NPLOC4: variants seen among roughly 807,000 people sequenced by gnomAD.
NPLOC4 encodes the protein nuclear protein localization protein 4 homolog.
In NPLOC4, 18 loss-of-function variants were observed where a neutral mutation model predicts 80.6. The ratio of observed to expected loss-of-function variants is 0.22; its 90% CI spans 0.15 to 0.33. The LOEUF (loss-of-function observed/expected upper bound fraction) is 0.33, where lower values mean the gene tolerates loss of function less well. Ranked by LOEUF, NPLOC4 falls within the 10% of genes least tolerant of loss-of-function variation. The pLI, the probability that NPLOC4 is intolerant of heterozygous loss-of-function variation, is 1.00. For synonymous variants in NPLOC4, 313 were observed against 301.5 expected (o/e 1.04, Z -0.39); for missense variants, 540 against 786.1 (o/e 0.69, Z 3.74).
intron 3 of NPLOC4, among the ~76,000 whole-genome samples, chr17:81,618,050 C>T (rs1453069017): frequency 6.6e-6 from 1 of 152,180 alleles, no homozygotes; most frequent in Admixed American, 6.6e-5. Context: ...CCCAAAGTGC[C>T]GAGACTGCAG....
At chr17:81,564,818 TA>T (rs2033960369) in intron 16 of NPLOC4, 2 of 153,540 alleles carry the variant, frequency 1.3e-5, no homozygotes, top group Non-Finnish European at 1.4e-5. Flanking sequence ...GGAAATGGTA[TA>T]AAGGTGTTTG....
At chr17:81,636,809 A>T in intron 1 of NPLOC4, 107 bp downstream of exon 1, 1 of 1,188,282 alleles carries the variant, frequency 8.4e-7, no homozygotes, top group Non-Finnish European at 1.1e-6. Flanking sequence ...GAGAAGAGAA[A>T]GGGGCCGAGT....
At chr17:81,627,493 AC>A (rs2035826420) in intron 2 of NPLOC4, among the ~76,000 whole-genome samples, 2 of 152,160 alleles carry the variant, frequency 1.3e-5, no homozygotes, top group African/African-American at 4.8e-5. Flanking sequence ...TAACCCCAGC[AC>A]TTTGGGAGGC....
intron 4 of NPLOC4, among the ~76,000 whole-genome samples, chr17:81,612,296 GGTGGCCTCT>G (rs773473457): frequency 3.3e-5 from 5 of 152,164 alleles, no homozygotes; most frequent in Non-Finnish European, 5.9e-5. Flanking sequence ...GCGGAACAGA[GGTGGCCTCT>G]GTGCTTCCTA....
At chr17:81,608,086 C>T (rs2035250912) in intron 6 of NPLOC4, among the ~76,000 whole-genome samples, 1 of 152,196 alleles carries the variant, frequency 6.6e-6, no homozygotes, top group African/African-American at 2.4e-5. Flanking sequence ...CTGTTACCAC[C>T]TCTGCCCACC....
intron 1 of NPLOC4, among the ~76,000 whole-genome samples, chr17:81,631,298 A>G (rs2035919350): frequency 6.6e-6 from 1 of 151,762 alleles, no homozygotes; most frequent in Admixed American, 6.6e-5. Context: ...TAATCTGTGC[A>G]CTTCAGGAGA....
chr17:81,564,141 C>CT (rs1363885500), intron 16 of NPLOC4: 1 of 292,818 alleles, frequency 3.4e-6, no homozygotes, highest in Non-Finnish European at 6.8e-6. Flanking sequence ...GGCTGAAAAA[C>CT]TATTAGGTAC....
At chr17:81,618,563 C>T (rs1312825199) in intron 3 of NPLOC4, among the ~76,000 whole-genome samples, 1 of 77,310 alleles carries the variant, frequency 1.3e-5, no homozygotes, top group African/African-American at 5.9e-5. Context: ...CCCGGCCAGC[C>T]GCCCCGTCCG....
intron 5 of NPLOC4, 49 bp downstream of exon 5, chr17:81,610,161 C>A (rs546604007): frequency 3.3e-6 from 5 of 1,523,216 alleles, no homozygotes; most frequent in Non-Finnish European, 4.5e-6. Flanking sequence ...CAGCTGTCTA[C>A]CCGCAGCCCC....
intron 7 of NPLOC4, among the ~76,000 whole-genome samples, chr17:81,605,844 C>T (rs575941978): frequency 3.5e-5 from 5 of 143,890 alleles, no homozygotes; most frequent in Non-Finnish European, 3.0e-5. Context: ...TTTTTTGAGA[C>T]GGAGTCTCGC....
chr17:81,631,436 ATT>A (rs70938164), intron 1 of NPLOC4, among the ~76,000 whole-genome samples: 2,037 of 117,016 alleles, frequency 0.017, 39 homozygotes, highest in Middle Eastern at 0.022. Context: ...ATATATATAT[ATT>A]TTTTTTTTTT....
chr17:81,631,536 C>T (rs190299874), intron 1 of NPLOC4, among the ~76,000 whole-genome samples: 1 of 147,726 alleles, frequency 6.8e-6, no homozygotes, highest in African/African-American at 2.5e-5. Context: ...TCTAAGACAA[C>T]TTGATGTTTA....
chr17:81,605,816 C>T (rs1598658912), intron 7 of NPLOC4, among the ~76,000 whole-genome samples: 1 of 118,938 alleles, frequency 8.4e-6, no homozygotes, highest in South Asian at 3.4e-4. Flanking sequence ...AAAAAACAAA[C>T]ACATTTTCTT....
intron 8 of NPLOC4, 51 bp downstream of exon 8, chr17:81,604,497 C>T: frequency 1.3e-6 from 2 of 1,567,592 alleles, no homozygotes; most frequent in East Asian, 2.3e-5. Flanking sequence ...AGGGCGTCCC[C>T]CACAGCCTCC....
intron 3 of NPLOC4, among the ~76,000 whole-genome samples, chr17:81,616,564 A>C (rs2144269578): frequency 6.6e-6 from 1 of 151,698 alleles, no homozygotes; most frequent in East Asian, 2.0e-4. Flanking sequence ...CCCCGTCTCT[A>C]CTAAAAATAG....
chr17:81,564,978 T>A, intron 16 of NPLOC4: 1 of 325,766 alleles, frequency 3.1e-6, no homozygotes, highest in South Asian at 3.4e-5. Flanking sequence ...CCTGCAGCAA[T>A]GCTGACAGAA....
At chr17:81,613,157 C>A in intron 4 of NPLOC4, 161 bp downstream of exon 4, 3 of 517,520 alleles carry the variant, frequency 5.8e-6, no homozygotes, top group South Asian at 6.3e-5. Context: ...CGATAAAAAG[C>A]TAACAAGATA....
chr17:81,608,371 C>T lies in NPLOC4; in HGVS notation c.530+357G>A, dbSNP rs146374036. On this transcript the variant is annotated intron_variant, in intron 6 of 16. Transcript: ENST00000331134. ...TCTGTCTGATACTGCACTGTGGCCACGCAGCCAGGCGCCTGCACAGTCGCT... is the reference window on the plus strand; with the variant it reads ...TCTGTCTGATACTGCACTGTGGCCATGCAGCCAGGCGCCTGCACAGTCGCT... Among the ~76,000 whole-genome samples the T allele has an allele frequency of 6.6e-5, 10 of 152,316 alleles. No homozygotes were observed. In the East Asian group the frequency reaches 1.4e-3, roughly 21 times the overall value.
At chr17:81,568,920 C>A in intron 14 of NPLOC4, 96 bp downstream of exon 14, 1 of 827,328 alleles carries the variant, frequency 1.2e-6, no homozygotes, top group Non-Finnish European at 2.0e-6. Flanking sequence ...GAATCGGGAG[C>A]ATTTGAAAGC....
Sources: allele counts gnomAD v4.1 joint callset (sites outside exome capture counted in the v4.1 genomes callset), GRCh38; gene constraint gnomAD v4.1.1; transcripts MANE v1.5; gene names NCBI Gene and HGNC (gene_info 2026-07-23, HGNC 2026-07-21).